The following PALM2AKAP2 variants were observed in gnomAD, a reference collection of about 807,000 sequenced individuals.
The protein encoded by PALM2AKAP2 is PALM2 and AKAP2 fusion.
A neutral mutation model predicts 71.5 loss-of-function variants in PALM2AKAP2; 37 were observed. The ratio of observed to expected loss-of-function variants is 0.52; its 90% CI spans 0.40 to 0.68. The LOEUF (loss-of-function observed/expected upper bound fraction) is 0.68, where lower values mean the gene tolerates loss of function less well. Ranked by LOEUF, PALM2AKAP2 falls within the 30% of genes least tolerant of loss-of-function variation. The pLI, the probability that PALM2AKAP2 is intolerant of heterozygous loss-of-function variation, is 0.00. For missense variants in PALM2AKAP2, 1,224 were observed against 1,191.8 expected, an observed-to-expected ratio of 1.03 and a Z score of -0.40; for synonymous variants, 468 against 478.8, an observed-to-expected ratio of 0.98 and a Z score of 0.29.
At chr9:109,664,536 T>C (rs1194035721) in intron 1 of PALM2AKAP2, among the ~76,000 whole-genome samples, 4 of 152,252 alleles carry the variant, frequency 2.6e-5, no homozygotes, top group Non-Finnish European at 5.9e-5. Context: ...TTCTGGCTTG[T>C]AGAGTTTCTG....
intron 1 of PALM2AKAP2, among the ~76,000 whole-genome samples, chr9:110,068,971 C>A (rs10980173): frequency 6.6e-6 from 1 of 152,066 alleles, no homozygotes; most frequent in Admixed American, 6.5e-5. Context: ...GAAATGAAAC[C>A]CTAGTGTAGG....
intron 1 of PALM2AKAP2, among the ~76,000 whole-genome samples, chr9:109,693,584 C>G (rs985254846): frequency 6.6e-6 from 1 of 151,932 alleles, no homozygotes; most frequent in East Asian, 1.9e-4. Flanking sequence ...TGATATTCTA[C>G]ACTATAAATT....
At chr9:109,931,880 G>A in intron 5 of PALM2AKAP2, 47 bp from the exon 6 acceptor site, 1 of 1,598,250 alleles carries the variant, frequency 6.3e-7, no homozygotes, top group Non-Finnish European at 8.5e-7. Flanking sequence ...AACCCATTGG[G>A]CCTCCCAACA....
At chr9:110,006,251 G>T (rs1456184499) in intron 6 of PALM2AKAP2, among the ~76,000 whole-genome samples, 1 of 148,790 alleles carries the variant, frequency 6.7e-6, no homozygotes. Context: ...TCGCCTGCCT[G>T]CCTTCCTTCC....
intron 1 of PALM2AKAP2, among the ~76,000 whole-genome samples, chr9:109,770,274 T>A (rs955445007): frequency 6.6e-6 from 1 of 152,140 alleles, no homozygotes; most frequent in Admixed American, 6.5e-5. Flanking sequence ...ATTTTTTTTT[T>A]TAACCAGGAG....
chr9:110,159,798 G>A (rs16914826), intron 3 of PALM2AKAP2, among the ~76,000 whole-genome samples: 2,002 of 152,268 alleles, frequency 0.013, 14 homozygotes, highest in South Asian at 0.022. Flanking sequence ...TCAGGGCCCT[G>A]CTCTCTCCAG....
chr9:110,097,461 T>A (rs2118842940), intron 1 of PALM2AKAP2, among the ~76,000 whole-genome samples: 1 of 152,216 alleles, frequency 6.6e-6, no homozygotes, highest in South Asian at 2.1e-4. Context: ...CTCAATGAGC[T>A]GTTGGGTACA....
intron 6 of PALM2AKAP2, among the ~76,000 whole-genome samples, chr9:109,963,268 G>A (rs1009553105): frequency 3.3e-5 from 5 of 152,208 alleles, no homozygotes; most frequent in Non-Finnish European, 7.3e-5. Flanking sequence ...GAAAGAAGTG[G>A]CTGTATGCCA....
At position 110,118,208 on chromosome 9, in the gene PALM2AKAP2, T is replaced by C. The variant is rs201049479; in HGVS notation, c.157-17919T>C. On this transcript the variant is annotated intron_variant, in intron 1 of 3. Transcript: ENST00000374525. ...TATTCCATGTATATATACAGAAATA[T>C]ACACACACACACACAAATTATATCC... Among the ~76,000 whole-genome samples the C allele has an allele frequency of 5.5e-3, 816 of 149,144 alleles. 5 individuals are homozygous for C. Among genetic ancestry groups the C allele is most frequent in the African/African-American group, 0.018 (710 of 40,506 alleles).
chr9:109,999,367 T>G (rs908284876), intron 6 of PALM2AKAP2, among the ~76,000 whole-genome samples: 6 of 151,144 alleles, frequency 4.0e-5, no homozygotes, highest in African/African-American at 1.5e-4. Context: ...AATAAATAAA[T>G]AAATAAAATA....
chr9:109,931,051 G>A (rs1831088906), intron 5 of PALM2AKAP2, among the ~76,000 whole-genome samples: 1 of 152,208 alleles, frequency 6.6e-6, no homozygotes, highest in Admixed American at 6.5e-5. Context: ...ATGCAAGGAA[G>A]GGATCACATC....
chr9:110,141,593 C>T (rs1018314330), intron 2 of PALM2AKAP2, among the ~76,000 whole-genome samples: 1 of 152,142 alleles, frequency 6.6e-6, no homozygotes, highest in African/African-American at 2.4e-5. Flanking sequence ...CTCTGAGCAG[C>T]CAAACTAGAC....
At chr9:110,131,726 T>C (rs946411757) in intron 1 of PALM2AKAP2, among the ~76,000 whole-genome samples, 3 of 152,244 alleles carry the variant, frequency 2.0e-5, no homozygotes, top group Non-Finnish European at 2.9e-5. Context: ...TGTCTAACTT[T>C]ACAAAACCTC....
chr9:110,010,147 A>G lies in PALM2AKAP2; in HGVS notation c.497-5807A>G, dbSNP rs902997544. Reference sequence around the variant, plus strand: ...CTGTCCCTGATGGATATTTATAAACATAACCTCAGCTACAAGTAGACAGGT... The same window carrying G: ...CTGTCCCTGATGGATATTTATAAACGTAACCTCAGCTACAAGTAGACAGGT... On this transcript the variant is annotated intron_variant, in intron 6 of 9. Coordinates refer to the PALM2AKAP2 transcript ENST00000302798. Among the ~76,000 whole-genome samples the G allele has an allele frequency of 9.0e-4, 137 of 152,338 alleles. 1 individual carries two copies. The highest frequency in any genetic ancestry group is 3.1e-3 in the African/African-American group (130 of 41,586).
intron 1 of PALM2AKAP2, among the ~76,000 whole-genome samples, chr9:109,717,182 G>C (rs1304158296): frequency 2.0e-5 from 3 of 152,142 alleles, no homozygotes; most frequent in African/African-American, 7.2e-5. Flanking sequence ...ATGAAGGCTG[G>C]AGAAGGGAGT....
At chr9:109,909,158 G>A (rs547349767) in intron 3 of PALM2AKAP2, among the ~76,000 whole-genome samples, 5 of 149,268 alleles carry the variant, frequency 3.3e-5, no homozygotes, top group Middle Eastern at 3.4e-3. Context: ...ACACACGCGC[G>A]CACGCACACA....
At chr9:109,855,126 G>A (rs913513250) in intron 1 of PALM2AKAP2, among the ~76,000 whole-genome samples, 2 of 151,736 alleles carry the variant, frequency 1.3e-5, no homozygotes, top group Admixed American at 1.3e-4. Context: ...AGGCTGGAGT[G>A]CAGTGGCACA....
chr9:109,851,300 G>A (rs1829010482), intron 1 of PALM2AKAP2, among the ~76,000 whole-genome samples: 1 of 152,144 alleles, frequency 6.6e-6, no homozygotes, highest in African/African-American at 2.4e-5. Context: ...CCTGGGCTTG[G>A]TGCTTTTTGA....
chr9:110,168,580 C>G (rs1836791000), exon 4 of PALM2AKAP2: 1 of 1,490,120 alleles, frequency 6.7e-7, no homozygotes, highest in East Asian at 2.4e-5. Context: ...TTTTAATGGA[C>G]TATTTATTAA....
Sources: allele counts gnomAD v4.1 joint callset (sites outside exome capture counted in the v4.1 genomes callset), GRCh38; gene constraint gnomAD v4.1.1; transcripts MANE v1.5; gene names NCBI Gene and HGNC (gene_info 2026-07-23, HGNC 2026-07-21).